Variants in TMEM68 observed in about 807,000 individuals in gnomAD.
TMEM68 encodes the protein transmembrane protein 68.
A neutral mutation model predicts 36.9 loss-of-function variants in TMEM68; 25 were observed. The ratio of observed to expected loss-of-function variants is 0.68; its 90% confidence interval spans 0.49 to 0.95. TMEM68 has a LOEUF of 0.95. Ranked by LOEUF, TMEM68 falls within the 40% of genes least tolerant of loss-of-function variation. The probability of loss-of-function intolerance (pLI) is 0.00; values close to 1 mark genes in which losing one functional copy is unlikely to be tolerated. For synonymous variants in TMEM68, 131 were observed against 124.4 expected (o/e 1.05, Z -0.35); for missense variants, 333 against 392.0 (o/e 0.85, Z 1.27).
chr8:55,747,557 G>A (rs1379421867), intron 5 of TMEM68: 1 of 152,096 alleles, frequency 6.6e-6, no homozygotes, highest in Admixed American at 6.5e-5. Flanking sequence ...GTCTTGAACT[G>A]GTTTCAAGGG....
At chr8:55,757,329 TAAG>T (rs1221793642) in intron 3 of TMEM68, among the ~76,000 whole-genome samples, 4 of 151,966 alleles carry the variant, frequency 2.6e-5, no homozygotes, top group African/African-American at 7.3e-5. Flanking sequence ...TAAAAGAGGG[TAAG>T]AAGAAGTGAC....
At chr8:55,752,074 T>G (rs1810439718) in intron 4 of TMEM68, among the ~76,000 whole-genome samples, 1 of 151,816 alleles carries the variant, frequency 6.6e-6, no homozygotes, top group South Asian at 2.1e-4. Flanking sequence ...CCTGGCATGG[T>G]GGCACGTGCC....
intron 1 of TMEM68, among the ~76,000 whole-genome samples, chr8:55,766,283 G>A (rs1810959960): frequency 1.3e-5 from 2 of 151,926 alleles, no homozygotes; most frequent in Non-Finnish European, 2.9e-5. Flanking sequence ...TGTGGCCTGA[G>A]GAGCAGCAAG....
Position 55,743,579 on chromosome 8 carries a change from C to G in TMEM68, c.790G>C (p.Ala264Pro). The change falls in exon 7 of 8, where the codon GCT (alanine) becomes CCT (proline). Residue 264 changes from alanine (A) to proline (P), a missense_variant. Ala to Pro is a conservative substitution (Grantham distance 27, BLOSUM62 -1). Coordinates refer to ENST00000434581, the MANE Select transcript of TMEM68 (RefSeq NM_001286657.2). ...ACTGGAAAACCTCCATACATTGGAGCAAATGGATAGCGGAATTTTTCATAA... is the reference window on the plus strand; with the variant it reads ...ACTGGAAAACCTCCATACATTGGAGGAAATGGATAGCGGAATTTTTCATAA... ...WLYEKFRYPF[A>P]PMYGGFPVKL... 6.5e-7 allele frequency: 1 copy of G among 1,535,680 alleles called. No homozygotes were observed. The highest frequency in any genetic ancestry group is 8.7e-7 in the Non-Finnish European group (1 of 1,146,714).
intron 5 of TMEM68, among the ~76,000 whole-genome samples, chr8:55,750,675 G>A (rs1179181554): frequency 6.6e-6 from 1 of 151,756 alleles, no homozygotes; most frequent in African/African-American, 2.4e-5. Context: ...GAGTAGCTGG[G>A]ATTACAGGCA....
chr8:55,748,735 T>C (rs979521883), intron 5 of TMEM68, among the ~76,000 whole-genome samples: 1 of 152,158 alleles, frequency 6.6e-6, no homozygotes, highest in Non-Finnish European at 1.5e-5. Flanking sequence ...GCCATCTGAG[T>C]AGCTAAGACC....
At position 55,762,894 on chromosome 8, in the gene TMEM68, A is replaced by G; in HGVS notation, c.66T>C (p.Ile22=). The G allele has an allele frequency of 6.2e-7, 1 of 1,614,140 alleles. No homozygotes were observed. Among genetic ancestry groups the G allele is most frequent in the East Asian group, 2.2e-5 (1 of 44,878 alleles). The change falls in exon 3 of 8, where the codon ATT becomes ATC. Residue 22 remains isoleucine, a synonymous_variant. Transcript: ENST00000434581. ...QDSVPYMICL[I]HILEEWFGVE... ...CACCAAACCATTCTTCGAGTATGTG[A>G]ATCAGACAAATCATATAGGGCACAG...
intron 5 of TMEM68, chr8:55,746,648 C>T (rs1008825473): frequency 1.1e-4 from 16 of 152,176 alleles, no homozygotes; most frequent in Non-Finnish European, 2.2e-4. Context: ...TATAAAATTA[C>T]CTGCTTAATA....
rs1338193979 is a variant in TMEM68, at chr8:55,773,373, G to T, written c.-219C>A. The T allele has an allele frequency of 4.8e-6, 2 of 415,726 alleles. No individual in the cohort carries two copies. The highest frequency in any genetic ancestry group is 4.2e-5 in the African/African-American group (2 of 48,044). 25.8% of individuals were successfully genotyped at this position (415,726 alleles called of 1,614,324 possible). A position where few individuals can be genotyped will look rare whatever the true frequency, so the allele number is the denominator to read the frequency against. On this transcript the variant is annotated 5_prime_UTR_variant, in exon 1 of 8. Coordinates refer to ENST00000434581, the MANE Select transcript of TMEM68 (RefSeq NM_001286657.2). ...CAACCCGTGTGAAAGAAGCCAAGCG[G>T]CGGCTGCAGCCCGGGCCGCGATGGG...
chr8:55,763,214 C>T (rs1034532039), intron 2 of TMEM68, among the ~76,000 whole-genome samples, 186 bp from the exon 3 acceptor site: 7 of 151,954 alleles, frequency 4.6e-5, no homozygotes, highest in Non-Finnish European at 5.9e-5. Context: ...TGAAGTATGT[C>T]GTGTTTAGCT....
chr8:55,767,030 G>A (rs540278018), intron 1 of TMEM68, among the ~76,000 whole-genome samples: 4 of 150,064 alleles, frequency 2.7e-5, no homozygotes, highest in African/African-American at 9.9e-5. Flanking sequence ...ATATCTTTCT[G>A]CCTCAGTTTC....
chr8:55,749,866 A>C (rs888933245), intron 5 of TMEM68, among the ~76,000 whole-genome samples: 5 of 152,166 alleles, frequency 3.3e-5, no homozygotes, highest in African/African-American at 1.2e-4. Flanking sequence ...TAAAAATCTC[A>C]ATTAAATTAT....
At chr8:55,748,475 G>A (rs1316858559) in intron 5 of TMEM68, among the ~76,000 whole-genome samples, 1 of 147,006 alleles carries the variant, frequency 6.8e-6, no homozygotes, top group Non-Finnish European at 1.5e-5. Flanking sequence ...AGTTGCATCA[G>A]CAACCTAGAA....
At chr8:55,747,899 T>G (rs983595510) in intron 5 of TMEM68, 5 of 152,216 alleles carry the variant, frequency 3.3e-5, no homozygotes, top group African/African-American at 2.4e-5. Flanking sequence ...CCAGTATGGC[T>G]GGATTTATAT....
chr8:55,751,683 CA>C, intron 4 of TMEM68: 1 of 239,470 alleles, frequency 4.2e-6, no homozygotes, highest in South Asian at 4.7e-5. Context: ...TTTAAAATAG[CA>C]AACATCATTA....
intron 3 of TMEM68, among the ~76,000 whole-genome samples, chr8:55,757,503 G>T (rs952918896): frequency 2.6e-5 from 4 of 152,114 alleles, no homozygotes; most frequent in African/African-American, 7.2e-5. Flanking sequence ...CCCTGCTAAT[G>T]GTACAGGGAA....
rs112859867 is a variant in TMEM68, at chr8:55,749,405, A to G, written c.687+1559T>C. On this transcript the variant is annotated intron_variant, in intron 5 of 7. Coordinates refer to ENST00000434581, the MANE Select transcript of TMEM68 (RefSeq NM_001286657.2). ...GCCTTAAATTTTGTTCACAGCTTAT[A>G]ATTTTGTGAGGCCTATTAAGGGATT... 1.9e-3 allele frequency among the ~76,000 whole-genome samples: 290 copies of G among 152,240 alleles called. 2 individuals carry two copies. Among genetic ancestry groups the G allele is most frequent in the African/African-American group, 6.7e-3 (277 of 41,542 alleles).
At chr8:55,758,545 G>A (rs565480557) in intron 3 of TMEM68, among the ~76,000 whole-genome samples, 2 of 152,348 alleles carry the variant, frequency 1.3e-5, no homozygotes, top group East Asian at 3.9e-4. Context: ...AGTGGCTCAC[G>A]CCTGTAATCC....
chr8:55,741,093 G>A (rs1441947727), intron 7 of TMEM68, among the ~76,000 whole-genome samples: 1 of 152,064 alleles, frequency 6.6e-6, no homozygotes, highest in Admixed American at 6.5e-5. Context: ...ATTAGCAGGT[G>A]TGGTGGCACA....
Sources: gnomAD v4.1 joint callset for allele counts (sites outside exome capture counted in the v4.1 genomes callset) on GRCh38, gnomAD v4.1.1 for gene constraint, MANE v1.5 for transcripts, NCBI Gene and HGNC (gene_info 2026-07-23, HGNC 2026-07-21) for gene names.